Variants in TSHZ2 observed in about 807,000 individuals in gnomAD.
The protein encoded by TSHZ2 is teashirt homolog 2.
In TSHZ2, 21 loss-of-function variants were observed where a neutral mutation model predicts 74.4. The ratio of observed to expected loss-of-function variants is 0.28; its 90% CI spans 0.20 to 0.41. The LOEUF (loss-of-function observed/expected upper bound fraction) is 0.41. Among genes scored for constraint, TSHZ2 ranks in the 10% least tolerant of loss-of-function variants. The probability of loss-of-function intolerance (pLI) is 1.00; values close to 1 mark genes in which losing one functional copy is unlikely to be tolerated. For missense variants in TSHZ2, 1,244 were observed against 1,293.5 expected (o/e 0.96, Z 0.59); for synonymous variants, 540 against 515.3 (o/e 1.05, Z -0.65).
chr20:53,414,670 T>G (rs1366399629), intron 2 of TSHZ2, among the ~76,000 whole-genome samples: 1 of 152,116 alleles, frequency 6.6e-6, no homozygotes, highest in Non-Finnish European at 1.5e-5. Flanking sequence ...AAAAAAAATT[T>G]TATTTAATTA....
chr20:53,220,437 T>G (rs550097731), intron 1 of TSHZ2, among the ~76,000 whole-genome samples: 1 of 152,368 alleles, frequency 6.6e-6, no homozygotes, highest in East Asian at 1.9e-4. Context: ...TCTACAGGGT[T>G]ACTGATTAAG....
chr20:53,477,634 T>A (rs1445317924), intron 2 of TSHZ2, among the ~76,000 whole-genome samples: 167 of 148,502 alleles, frequency 1.1e-3, no homozygotes, highest in African/African-American at 3.1e-3. Flanking sequence ...CCAAAAGCAA[T>A]GGCAACAAAA....
rs1048493024 is a variant in TSHZ2 at position 53,174,552 on chromosome 20, C to T, written c.41-78947C>T. On this transcript the variant is annotated intron_variant, in intron 1 of 2. Coordinates refer to ENST00000371497, the MANE Select transcript of TSHZ2 (RefSeq NM_173485.6). ...CTGTGTGCCTTGTAGGACTCAGCAC[C>T]CACCTTCTTTATCTGCAGAGCAAGA... Among the ~76,000 whole-genome samples, 14 of 152,158 alleles carry T rather than the reference C, an allele frequency of 9.2e-5. No individual in the cohort carries two copies. In the South Asian group the frequency reaches 1.2e-3, roughly 14 times the overall value.
chr20:53,338,350 C>T (rs1466329266), intron 2 of TSHZ2, among the ~76,000 whole-genome samples: 5 of 152,154 alleles, frequency 3.3e-5, no homozygotes, highest in Non-Finnish European at 7.3e-5. Context: ...CGGTGAAGCC[C>T]ATTCGCCTCT....
intron 1 of TSHZ2, among the ~76,000 whole-genome samples, chr20:52,981,600 T>C (rs1600628030): frequency 1.3e-5 from 2 of 152,172 alleles, no homozygotes; most frequent in Admixed American, 6.5e-5. Flanking sequence ...GTCCAGGGCT[T>C]GAAAGAAACC....
In TSHZ2 at chr20:53,213,939, C is replaced by T. The variant is rs149521558; in HGVS notation, c.41-39560C>T. Among the ~76,000 whole-genome samples the T allele has an allele frequency of 2.2e-3, 341 of 152,166 alleles. 4 individuals are homozygous for T. Among genetic ancestry groups the T allele is most frequent in the African/African-American group, 7.9e-3 (329 of 41,510 alleles). On this transcript the variant is annotated intron_variant, in intron 1 of 2. Coordinates refer to ENST00000371497, the MANE Select transcript of TSHZ2 (RefSeq NM_173485.6). ...AAAATCAACAACTATTTCCTGAGTG[C>T]CTCTTCAATATAGGACATTGTGCTA...
At chr20:53,147,602 T>C in intron 1 of TSHZ2, among the ~76,000 whole-genome samples, 1 of 152,242 alleles carries the variant, frequency 6.6e-6, no homozygotes, top group East Asian at 1.9e-4. Context: ...ATCACTGTGG[T>C]ATTAATGTGA....
At chr20:53,241,155 C>A (rs969867707) in intron 1 of TSHZ2, among the ~76,000 whole-genome samples, 14 of 152,152 alleles carry the variant, frequency 9.2e-5, no homozygotes, top group African/African-American at 3.4e-4. Context: ...TAGCCCTAAC[C>A]TAAGTCGAAG....
chr20:53,358,736 T>G (rs1325686118), intron 2 of TSHZ2, among the ~76,000 whole-genome samples: 1 of 152,260 alleles, frequency 6.6e-6, no homozygotes, highest in Non-Finnish European at 1.5e-5. Flanking sequence ...AAGTTAGATT[T>G]ATTTGGAGAA....
At chr20:53,249,646 A>G (rs1049472804) in intron 1 of TSHZ2, among the ~76,000 whole-genome samples, 3 of 152,222 alleles carry the variant, frequency 2.0e-5, no homozygotes, top group Admixed American at 6.5e-5. Context: ...CTGCAAAGGC[A>G]GAAAGCCTCA....
At chr20:53,318,365 G>A (rs1035089873) in intron 2 of TSHZ2, among the ~76,000 whole-genome samples, 6 of 152,232 alleles carry the variant, frequency 3.9e-5, no homozygotes, top group African/African-American at 7.2e-5. Context: ...AATTCCACGC[G>A]GAAACACTCC....
At chr20:53,355,736 A>G (rs1267014760) in intron 2 of TSHZ2, among the ~76,000 whole-genome samples, 3 of 152,200 alleles carry the variant, frequency 2.0e-5, no homozygotes, top group Admixed American at 2.0e-4. Flanking sequence ...CCTTTTAAAC[A>G]AATGAATTTT....
intron 1 of TSHZ2, among the ~76,000 whole-genome samples, chr20:53,004,646 G>T (rs1321552943): frequency 6.6e-6 from 1 of 152,206 alleles, no homozygotes; most frequent in Non-Finnish European, 1.5e-5. Context: ...GCTCAGGGAA[G>T]TTCTTTTTAA....
At chr20:53,372,338 G>A (rs369814780) in intron 2 of TSHZ2, among the ~76,000 whole-genome samples, 37 of 152,206 alleles carry the variant, frequency 2.4e-4, no homozygotes, top group East Asian at 1.2e-3. Flanking sequence ...TTAGCCAGGC[G>A]TAGTGTCACG....
At chr20:52,978,749 A>G (rs1013903611) in intron 1 of TSHZ2, among the ~76,000 whole-genome samples, 2 of 152,182 alleles carry the variant, frequency 1.3e-5, no homozygotes, top group African/African-American at 4.8e-5. Flanking sequence ...AAATAATTTT[A>G]TTGCTTCACA....
chr20:53,195,027 C>T (rs1988827644), intron 1 of TSHZ2, among the ~76,000 whole-genome samples: 1 of 152,166 alleles, frequency 6.6e-6, no homozygotes, highest in Non-Finnish European at 1.5e-5. Flanking sequence ...GTCCCTTTGT[C>T]ACCTTCGGGA....
At chr20:53,342,577 C>G (rs1980250503) in intron 2 of TSHZ2, among the ~76,000 whole-genome samples, 1 of 152,102 alleles carries the variant, frequency 6.6e-6, no homozygotes, top group Non-Finnish European at 1.5e-5. Context: ...TGCAAAGAAG[C>G]CCGTCCCTAT....
chr20:53,292,049 C>A (rs932577304), intron 2 of TSHZ2, among the ~76,000 whole-genome samples: 44 of 150,874 alleles, frequency 2.9e-4, no homozygotes, highest in African/African-American at 1.1e-3. Flanking sequence ...TCCAAAATTG[C>A]CCATGGGAAA....
At chr20:52,982,476 C>G (rs146328186) in intron 1 of TSHZ2, among the ~76,000 whole-genome samples, 23 of 152,284 alleles carry the variant, frequency 1.5e-4, no homozygotes, top group Non-Finnish European at 3.2e-4. Flanking sequence ...AGGCCAACTC[C>G]TGTCATCTGA....
Sources: allele counts gnomAD v4.1 joint callset (sites outside exome capture counted in the v4.1 genomes callset), GRCh38; gene constraint gnomAD v4.1.1; transcripts MANE v1.5; gene names NCBI Gene and HGNC (gene_info 2026-07-23, HGNC 2026-07-21).